Variants in POU2F1 observed in about 807,000 individuals in gnomAD.
POU2F1 encodes POU class 2 homeobox 1.
In POU2F1, 16 loss-of-function variants were observed where a neutral mutation model predicts 84.9. The observed-to-expected ratio is 0.19, with a 90% CI of 0.13 to 0.29. The LOEUF (loss-of-function observed/expected upper bound fraction) is 0.29, where lower values mean the gene tolerates loss of function less well. Among genes scored for constraint, POU2F1 ranks in the 10% least tolerant of loss-of-function variants. The probability of loss-of-function intolerance (pLI) is 1.00; values close to 1 mark genes in which losing one functional copy is unlikely to be tolerated. For missense variants in POU2F1, 738 were observed against 942.6 expected (o/e 0.78, Z 2.84); for synonymous variants, 368 against 368.3 (o/e 1.00, Z 0.01).
At chr1:167,415,178 AAT>A (rs1650219023) in intron 15 of POU2F1, among the ~76,000 whole-genome samples, 1 of 152,250 alleles carries the variant, frequency 6.6e-6, no homozygotes, top group Non-Finnish European at 1.5e-5. Flanking sequence ...GGATTTATCA[AAT>A]ATGTCTAGGT....
chr1:167,318,113 C>T (rs1210033922), intron 1 of POU2F1, among the ~76,000 whole-genome samples: 2 of 152,162 alleles, frequency 1.3e-5, no homozygotes, highest in African/African-American at 4.8e-5. Flanking sequence ...AGTATTTGTT[C>T]TTTTAATTTT....
chr1:167,389,561 C>T, intron 8 of POU2F1, 27 bp from the exon 9 acceptor site: 3 of 1,611,856 alleles, frequency 1.9e-6, no homozygotes, highest in Non-Finnish European at 2.5e-6. Context: ...CGTGTTTTTC[C>T]TCATTGTTTT....
intron 1 of POU2F1, among the ~76,000 whole-genome samples, chr1:167,323,779 G>A (rs886398198): frequency 8.5e-5 from 13 of 152,054 alleles, no homozygotes; most frequent in African/African-American, 2.4e-4. Context: ...TGCAACCTCC[G>A]CCTCCTGGGT....
intron 2 of POU2F1, among the ~76,000 whole-genome samples, chr1:167,350,925 G>A (rs1658515792): frequency 6.6e-6 from 1 of 151,856 alleles, no homozygotes; most frequent in African/African-American, 2.4e-5. Context: ...TTGAACCCGG[G>A]AGGCCAAGGT....
At chr1:167,313,932 A>G (rs1171310105) in intron 1 of POU2F1, among the ~76,000 whole-genome samples, 8 of 152,116 alleles carry the variant, frequency 5.3e-5, no homozygotes, top group Non-Finnish European at 1.0e-4. Context: ...GGATTTTTTT[A>G]GAACACCTGT....
At chr1:167,240,907 C>T (rs1013643853) in intron 1 of POU2F1, among the ~76,000 whole-genome samples, 5 of 152,200 alleles carry the variant, frequency 3.3e-5, no homozygotes, top group African/African-American at 1.2e-4. Flanking sequence ...CATTGGGAGG[C>T]CTAGGTGGGC....
At chr1:167,388,162 T>C (rs1458131978) in intron 8 of POU2F1, among the ~76,000 whole-genome samples, 1 of 152,232 alleles carries the variant, frequency 6.6e-6, no homozygotes. Context: ...CATTAATATA[T>C]AAATTGGTTA....
At chr1:167,392,370 G>A (rs1342323533) in intron 9 of POU2F1, among the ~76,000 whole-genome samples, 3 of 148,126 alleles carry the variant, frequency 2.0e-5, no homozygotes, top group Admixed American at 6.7e-5. Flanking sequence ...AAAAAAAAAA[G>A]AAAGAAAGAA....
intron 1 of POU2F1, among the ~76,000 whole-genome samples, chr1:167,281,148 C>T (rs967201324): frequency 1.3e-5 from 2 of 152,100 alleles, no homozygotes; most frequent in South Asian, 2.1e-4. Flanking sequence ...ATTTATAGAC[C>T]GGTCTTAACT....
intron 2 of POU2F1, among the ~76,000 whole-genome samples, chr1:167,348,333 G>A (rs560889590): frequency 2.0e-5 from 3 of 152,254 alleles, no homozygotes; most frequent in East Asian, 3.9e-4. Context: ...TATATGGTAC[G>A]TGACTGTATG....
chr1:167,398,190 A>G, intron 11 of POU2F1, 57 bp downstream of exon 11: 1 of 1,552,742 alleles, frequency 6.4e-7, no homozygotes, highest in Non-Finnish European at 8.7e-7. Flanking sequence ...ACTTAACATT[A>G]GTACTTAGTA....
intron 1 of POU2F1, among the ~76,000 whole-genome samples, chr1:167,300,253 A>T (rs1354845895): frequency 3.3e-5 from 5 of 152,172 alleles, no homozygotes; most frequent in Middle Eastern, 3.2e-3. Flanking sequence ...AACAGCAGAC[A>T]CTGGGGACTC....
At chr1:167,226,062 T>G (rs1425953842) in intron 1 of POU2F1, among the ~76,000 whole-genome samples, 1 of 152,236 alleles carries the variant, frequency 6.6e-6, no homozygotes, top group Non-Finnish European at 1.5e-5. Flanking sequence ...AATTTGCGTT[T>G]AGGGAACAGA....
At chr1:167,236,495 A>G (rs1200751597) in intron 1 of POU2F1, among the ~76,000 whole-genome samples, 1 of 152,176 alleles carries the variant, frequency 6.6e-6, no homozygotes, top group Non-Finnish European at 1.5e-5. Flanking sequence ...TACAACAATG[A>G]TTTATTTTTC....
intron 7 of POU2F1, among the ~76,000 whole-genome samples, chr1:167,378,086 T>G (rs1451002528): frequency 6.6e-6 from 1 of 152,252 alleles, no homozygotes; most frequent in East Asian, 1.9e-4. Context: ...GATTGCTGTA[T>G]CAAATGGCAA....
At chr1:167,228,789 C>A (rs935665474) in intron 1 of POU2F1, among the ~76,000 whole-genome samples, 1 of 152,162 alleles carries the variant, frequency 6.6e-6, no homozygotes, top group Non-Finnish European at 1.5e-5. Context: ...ATGTGGGCCA[C>A]CTTACATCCT....
At chr1:167,277,215 A>G (rs1431306491) in intron 1 of POU2F1, among the ~76,000 whole-genome samples, 1 of 151,324 alleles carries the variant, frequency 6.6e-6, no homozygotes, top group South Asian at 2.1e-4. Flanking sequence ...TGCTTTGTCT[A>G]CTTTGGGTTT....
At chr1:167,303,758 C>T (rs1391416636) in intron 1 of POU2F1, among the ~76,000 whole-genome samples, 1 of 152,030 alleles carries the variant, frequency 6.6e-6, no homozygotes, top group African/African-American at 2.4e-5. Context: ...GCTTGGGATG[C>T]CTGCGACCCA....
intron 1 of POU2F1, among the ~76,000 whole-genome samples, chr1:167,262,218 A>G (rs1651620236): frequency 6.6e-6 from 1 of 151,902 alleles, no homozygotes; most frequent in Non-Finnish European, 1.5e-5. Flanking sequence ...TGCCATGGCT[A>G]CTCACAGGTG....
Sources: gnomAD v4.1 joint callset for allele counts (sites outside exome capture counted in the v4.1 genomes callset) on GRCh38, gnomAD v4.1.1 for gene constraint, MANE v1.5 for transcripts, NCBI Gene and HGNC (gene_info 2026-07-23, HGNC 2026-07-21) for gene names.